SSH2: variants seen among roughly 807,000 people sequenced by gnomAD.
SSH2 encodes slingshot protein phosphatase 2.
A neutral mutation model predicts 135.2 loss-of-function variants in SSH2; 37 were observed. That is an observed-to-expected ratio of 0.27 (90% confidence interval 0.21 to 0.36). The LOEUF is 0.36. Ranked by LOEUF, SSH2 falls within the 10% of genes least tolerant of loss-of-function variation. The pLI is 1.00. For missense variants in SSH2, 1,408 were observed against 1,765.3 expected (o/e 0.80, Z 3.63); for synonymous variants, 628 against 646.2 (o/e 0.97, Z 0.43).
intron 5 of SSH2, among the ~76,000 whole-genome samples, chr17:29,692,752 G>A (rs1006833450): frequency 8.5e-5 from 13 of 152,204 alleles, no homozygotes; most frequent in Admixed American, 6.5e-4. Flanking sequence ...GCAAGTGACT[G>A]TTGTTATGGG....
chr17:29,663,917 G>A (rs2151027403), intron 11 of SSH2, among the ~76,000 whole-genome samples: 1 of 152,304 alleles, frequency 6.6e-6, no homozygotes, highest in African/African-American at 2.4e-5. Flanking sequence ...GGAGGATGTT[G>A]ACAATGGGGG....
chr17:29,719,466 C>T (rs2039744672), intron 3 of SSH2, among the ~76,000 whole-genome samples: 6 of 150,102 alleles, frequency 4.0e-5, no homozygotes. Flanking sequence ...AAGCCAAGAT[C>T]GTGCCACTCC....
chr17:29,676,906 G>C, intron 7 of SSH2, 21 bp from the exon 8 acceptor site: 1 of 1,608,076 alleles, frequency 6.2e-7, no homozygotes. Flanking sequence ...ATGAGAACAA[G>C]ACAAAAATCC....
At chr17:29,774,761 T>A (rs1205172358) in intron 3 of SSH2, among the ~76,000 whole-genome samples, 1 of 152,172 alleles carries the variant, frequency 6.6e-6, no homozygotes, top group Non-Finnish European at 1.5e-5. Context: ...AATAGTACTA[T>A]AAAAAGTTAA....
intron 1 of SSH2, among the ~76,000 whole-genome samples, chr17:29,849,503 TG>T (rs1338732894): frequency 2.1e-5 from 3 of 146,004 alleles, no homozygotes; most frequent in African/African-American, 7.6e-5. Flanking sequence ...AAAAAAAAGA[TG>T]GTGCTGCTAA....
chr17:29,695,425 G>C (rs2151103952), intron 5 of SSH2, 34 bp downstream of exon 5: 1 of 1,586,852 alleles, frequency 6.3e-7, no homozygotes, highest in South Asian at 1.1e-5. Context: ...ATAGTCTTTT[G>C]AGGAAGAAAA....
At chr17:29,720,112 T>A (rs2039770539) in intron 3 of SSH2, among the ~76,000 whole-genome samples, 1 of 152,208 alleles carries the variant, frequency 6.6e-6, no homozygotes, top group African/African-American at 2.4e-5. Context: ...ACTCCCTGGC[T>A]CTCTAGCATT....
intron 1 of SSH2, among the ~76,000 whole-genome samples, chr17:29,858,877 A>T (rs149171118): frequency 2.6e-4 from 40 of 152,238 alleles, no homozygotes; most frequent in East Asian, 7.7e-4. Flanking sequence ...GTCTCAAAAA[A>T]AAATAAATAA....
Position 29,684,668 on chromosome 17 carries a change from C to T in SSH2, c.374G>A (p.Ser125Asn). 1.2e-6 allele frequency: 2 copies of T among 1,611,798 alleles called. No individual in the cohort carries two copies. The highest frequency in any genetic ancestry group is 1.7e-6 in the Non-Finnish European group (2 of 1,178,872). The change falls in exon 6 of 16, where the codon AGT becomes AAT. Residue 125 changes from serine to asparagine, a missense_variant. By Grantham distance (46) the Ser-to-Asn change is conservative. Around this residue, in one of 3 missense-constraint regions of SSH2, gnomAD observed 222 missense variants for 355.6 expected, o/e 0.62. Transcript: ENST00000540801. ...ATAGCGTGTTCGATTCTGGTAAGTA[C>T]TTTCCAGTCTTACAGCCTGGAATTT... is the stretch of plus-strand genomic sequence containing the variant. ...DNIRLAVRLE[S>N]TYQNRTRYMV...
rs2035648262 is a variant in SSH2, at chr17:29,631,157, G to T, written c.4037C>A (p.Pro1346His). Reference sequence around the variant, plus strand: ...GAGTTGTTCTACAAAAGACTTGGTGGGCTCTGGGTTGTGGGGGGCACCTGG... The same window carrying T: ...GAGTTGTTCTACAAAAGACTTGGTGTGCTCTGGGTTGTGGGGGGCACCTGG... ...ENPGAPHNPE[P>H]TKSFVEQLTT... Residue 1346 changes from proline (P) to histidine (H), a missense_variant, in exon 16 of 16, where the codon CCC (proline) becomes CAC (histidine). Coordinates refer to ENST00000540801, the MANE Select transcript of SSH2 (RefSeq NM_001282129.2). The T allele has an allele frequency of 3.1e-6, 5 of 1,614,088 alleles. No individual in the cohort carries two copies. In the Admixed American group the frequency reaches 8.3e-5, roughly 27 times the overall value.
At chr17:29,679,412 T>TA (rs902492689) in intron 6 of SSH2, among the ~76,000 whole-genome samples, 2 of 151,976 alleles carry the variant, frequency 1.3e-5, no homozygotes, top group South Asian at 2.1e-4. Context: ...TTTTTATTTT[T>TA]TTTTTTATTT....
chr17:29,751,902 C>T (rs76357005), intron 3 of SSH2, among the ~76,000 whole-genome samples: 1 of 151,660 alleles, frequency 6.6e-6, no homozygotes, highest in African/African-American at 2.4e-5. Context: ...GTTTTATCAC[C>T]CACCTGCTGT....
chr17:29,912,881 A>G (rs1267760091), intron 1 of SSH2, among the ~76,000 whole-genome samples: 2 of 152,144 alleles, frequency 1.3e-5, no homozygotes, highest in African/African-American at 2.4e-5. Context: ...ATAGTCTCCT[A>G]CTTACCACAG....
At chr17:29,869,611 G>C (rs2065907276) in intron 1 of SSH2, among the ~76,000 whole-genome samples, 1 of 152,326 alleles carries the variant, frequency 6.6e-6, no homozygotes, top group East Asian at 1.9e-4. Flanking sequence ...AAAGATCGGG[G>C]AACTGCCAAG....
chr17:29,720,321 C>T (rs934843342), intron 3 of SSH2, among the ~76,000 whole-genome samples: 1 of 152,178 alleles, frequency 6.6e-6, no homozygotes, highest in African/African-American at 2.4e-5. Flanking sequence ...TAATTGGCCA[C>T]AAAAACTGAA....
chr17:29,856,068 C>A, intron 1 of SSH2: 1 of 343,960 alleles, frequency 2.9e-6, no homozygotes, highest in East Asian at 9.1e-5. Flanking sequence ...CTTAGTTATC[C>A]AGGAGCATGG....
At chr17:29,637,335 GT>G (rs1365351592) in intron 14 of SSH2, among the ~76,000 whole-genome samples, 1 of 152,128 alleles carries the variant, frequency 6.6e-6, no homozygotes, top group Non-Finnish European at 1.5e-5. Context: ...CTGACCTCGA[GT>G]GATATGCCCA....
intron 3 of SSH2, among the ~76,000 whole-genome samples, chr17:29,736,654 G>C (rs1404105848): frequency 1.3e-5 from 2 of 151,074 alleles, no homozygotes; most frequent in African/African-American, 4.9e-5. Flanking sequence ...AGGCACGGTG[G>C]CACGTGCCTA....
intron 1 of SSH2, among the ~76,000 whole-genome samples, chr17:29,858,517 G>C (rs1339223140): frequency 6.6e-6 from 1 of 152,150 alleles, no homozygotes. Context: ...CCTAGGGGTG[G>C]TTCCAATATG....
Sources: gnomAD v4.1 joint callset for allele counts (sites outside exome capture counted in the v4.1 genomes callset) on GRCh38, gnomAD v4.1.1 for gene constraint, gnomAD v4.1.1 regional missense constraint, MANE v1.5 for transcripts, NCBI Gene and HGNC (gene_info 2026-07-23, HGNC 2026-07-21) for gene names.